RANBP2: variants seen among roughly 807,000 people sequenced by gnomAD.
The protein encoded by RANBP2 is E3 SUMO-protein ligase RanBP2.
Under a neutral mutation model 303.6 loss-of-function variants are expected in RANBP2, and 57 were observed. The observed-to-expected ratio is 0.19, with a 90% CI of 0.15 to 0.23. RANBP2 has a LOEUF of 0.23. RANBP2 is among the 10% of genes least tolerant of loss of function. RANBP2 has a pLI of 1.00. For synonymous variants in RANBP2, 1,167 were observed against 1,301.5 expected, an observed-to-expected ratio of 0.90 and a Z score of 2.23; for missense variants, 3,138 against 3,780.8, an observed-to-expected ratio of 0.83 and a Z score of 4.46.
downstream of RANBP2, among the ~76,000 whole-genome samples, chr2:108,788,250 C>T (rs962777023): frequency 3.3e-5 from 5 of 151,382 alleles, no homozygotes; most frequent in East Asian, 9.8e-4. Context: ...GAAATCCCGT[C>T]TCTACTAAAG....
chr2:108,874,784 C>T, the RANBP2 span, among the ~76,000 whole-genome samples: 1 of 152,138 alleles, frequency 6.6e-6, no homozygotes, highest in Non-Finnish European at 1.5e-5. Flanking sequence ...TTACTGTCTT[C>T]CTTTTCTTGC....
the RANBP2 span, among the ~76,000 whole-genome samples, chr2:109,579,396 T>G: frequency 6.6e-6 from 1 of 151,956 alleles, no homozygotes; most frequent in African/African-American, 2.4e-5. Context: ...TTTTTTTTTT[T>G]TTTTGAGATG....
At chr2:109,014,200 T>A in the RANBP2 span, among the ~76,000 whole-genome samples, 1 of 152,304 alleles carries the variant, frequency 6.6e-6, no homozygotes, top group Non-Finnish European at 1.5e-5. Flanking sequence ...AGGCTTTCTT[T>A]CAGCAGGGCT....
At chr2:109,614,835 G>A in the RANBP2 span, 4 of 1,422,426 alleles carry the variant, frequency 2.8e-6, no homozygotes, top group Non-Finnish European at 2.7e-6. Flanking sequence ...CGAGGCGCGC[G>A]ATCGGCTCCC....
chr2:109,058,362 T>C, the RANBP2 span, among the ~76,000 whole-genome samples: 1 of 152,202 alleles, frequency 6.6e-6, no homozygotes, highest in South Asian at 2.1e-4. Flanking sequence ...ATTCTTATTA[T>C]AGCTTCTGCC....
At chr2:109,338,797 A>T in the RANBP2 span, among the ~76,000 whole-genome samples, 8 of 152,134 alleles carry the variant, frequency 5.3e-5, no homozygotes, top group Non-Finnish European at 1.0e-4. Flanking sequence ...ACCTCAGGTG[A>T]TCCACCCGCC....
the RANBP2 span, among the ~76,000 whole-genome samples, chr2:109,331,514 C>T: frequency 6.6e-6 from 1 of 152,064 alleles, no homozygotes; most frequent in African/African-American, 2.4e-5. Flanking sequence ...CCTTTCTCAC[C>T]CTCCTGAATT....
chr2:109,515,737 C>A, the RANBP2 span, among the ~76,000 whole-genome samples: 1 of 152,206 alleles, frequency 6.6e-6, no homozygotes, highest in Admixed American at 6.5e-5. Flanking sequence ...GTACAGGAAG[C>A]ATGGCACCAG....
chr2:109,511,557 A>G, the RANBP2 span, among the ~76,000 whole-genome samples: 1 of 152,180 alleles, frequency 6.6e-6, no homozygotes, highest in Admixed American at 6.5e-5. Context: ...GCTAAGGCCA[A>G]CCACTGTTGT....
At chr2:109,301,985 T>G in the RANBP2 span, among the ~76,000 whole-genome samples, 3 of 152,354 alleles carry the variant, frequency 2.0e-5, no homozygotes, top group South Asian at 6.2e-4. Context: ...TGTGCTGATT[T>G]CAGCATCTTC....
At chr2:109,299,509 C>A in the RANBP2 span, among the ~76,000 whole-genome samples, 1 of 152,026 alleles carries the variant, frequency 6.6e-6, no homozygotes. Flanking sequence ...TACCCCTAGG[C>A]CTTAGCCTTG....
chr2:109,591,085 C>T, the RANBP2 span, among the ~76,000 whole-genome samples: 20,517 of 152,180 alleles, frequency 0.13, 1,873 homozygotes, highest in African/African-American at 0.26. Flanking sequence ...AACTAGTACA[C>T]TATATTCTCT....
chr2:109,270,421 C>T, the RANBP2 span, among the ~76,000 whole-genome samples: 1 of 152,122 alleles, frequency 6.6e-6, no homozygotes, highest in Non-Finnish European at 1.5e-5. Flanking sequence ...GCTGAGGGTG[C>T]CTGCAGCTGC....
At chr2:109,190,177 A>ATTT in the RANBP2 span, among the ~76,000 whole-genome samples, 1 of 145,570 alleles carries the variant, frequency 6.9e-6, no homozygotes, top group African/African-American at 2.5e-5. Context: ...TTGACATCCT[A>ATTT]TTTTTTTTTT....
the RANBP2 span, among the ~76,000 whole-genome samples, chr2:109,073,966 C>T: frequency 6.6e-6 from 1 of 150,524 alleles, no homozygotes; most frequent in South Asian, 2.1e-4. Flanking sequence ...CCTATCAATG[C>T]AAAACAGCAC....
At chr2:108,734,747 G>C (rs1338706998) in intron 4 of RANBP2, among the ~76,000 whole-genome samples, 3 of 151,950 alleles carry the variant, frequency 2.0e-5, no homozygotes, top group African/African-American at 7.3e-5. Context: ...GGTTTCGGTG[G>C]TATGACCAAA....
the RANBP2 span, among the ~76,000 whole-genome samples, chr2:109,093,953 A>T: frequency 6.6e-6 from 1 of 152,238 alleles, no homozygotes. Context: ...TCCCTCTCAA[A>T]ATCTAAGGCT....
At chr2:108,748,790 A>G (rs1344247228) in intron 8 of RANBP2, 130 bp from the exon 9 acceptor site, 6 of 1,557,704 alleles carry the variant, frequency 3.9e-6, no homozygotes, top group East Asian at 2.2e-5. Context: ...GTCCAGCTGT[A>G]TTTTTTGGGT....
the RANBP2 span, chr2:109,544,913 C>T: frequency 3.1e-6 from 3 of 961,300 alleles, no homozygotes; most frequent in African/African-American, 3.5e-5. Context: ...CATGAGAATT[C>T]CTTCCTCTTT....
Sources: allele counts gnomAD v4.1 joint callset (sites outside exome capture counted in the v4.1 genomes callset), GRCh38; gene constraint gnomAD v4.1.1; transcripts MANE v1.5; gene names NCBI Gene and HGNC (gene_info 2026-07-23, HGNC 2026-07-21).